The following BCAS3 variants were observed in gnomAD, a reference collection of about 807,000 sequenced individuals.
The protein encoded by BCAS3 is BCAS4/BCAS3 fusion.
A neutral mutation model predicts 116.1 loss-of-function variants in BCAS3; 53 were observed. The ratio of observed to expected loss-of-function variants is 0.46; its 90% CI spans 0.37 to 0.57. BCAS3 has a LOEUF of 0.57. Ranked by LOEUF, BCAS3 falls within the 20% of genes least tolerant of loss-of-function variation. The pLI, the probability that BCAS3 is intolerant of heterozygous loss-of-function variation, is 0.00. For missense variants in BCAS3, 917 were observed against 1,165.4 expected (o/e 0.79, Z 3.10); for synonymous variants, 391 against 408.2 (o/e 0.96, Z 0.51).
chr17:60,908,627 A>G (rs1347556408), intron 11 of BCAS3, among the ~76,000 whole-genome samples: 1 of 152,176 alleles, frequency 6.6e-6, no homozygotes, highest in Non-Finnish European at 1.5e-5. Context: ...TGTGTAAGTC[A>G]TTTCTTGTGA....
intron 7 of BCAS3, among the ~76,000 whole-genome samples, chr17:60,862,738 A>G (rs527347318): frequency 6.6e-6 from 1 of 152,184 alleles, no homozygotes; most frequent in South Asian, 2.1e-4. Context: ...TGCATCCTCA[A>G]ATTGCTCCTG....
At chr17:60,793,687 A>C (rs1205099917) in intron 6 of BCAS3, among the ~76,000 whole-genome samples, 1 of 152,216 alleles carries the variant, frequency 6.6e-6, no homozygotes, top group African/African-American at 2.4e-5. Context: ...TTCACTTAGA[A>C]TAAAAGTCTC....
chr17:60,961,528 G>A lies in BCAS3; in HGVS notation c.1221+14176G>A, dbSNP rs940202875. On this transcript the variant is annotated intron_variant, in intron 14 of 23. Transcript: ENST00000407086. The surrounding 1 kb of genome is among the most constrained non-coding windows in gnomAD (Gnocchi z 4.8). The stretch of plus-strand genomic sequence containing the variant: ...TTTTTAAAATAAATTTTCAATTTTG[G>A]AATCATTTTAGAGTTACAGAAAAGT... Among the ~76,000 whole-genome samples, 2 of 151,840 alleles carry A rather than the reference G, an allele frequency of 1.3e-5. No individual in the cohort carries two copies. The highest frequency in any genetic ancestry group is 3.9e-4 in the East Asian group (2 of 5,176).
At chr17:60,764,873 A>G (rs1267625220) in intron 6 of BCAS3, among the ~76,000 whole-genome samples, 4 of 152,120 alleles carry the variant, frequency 2.6e-5, no homozygotes, top group African/African-American at 9.6e-5. Flanking sequence ...TATGAATCTG[A>G]GCACTCCTGT....
In BCAS3 at chr17:61,349,049, G is replaced by C. The variant is rs2143315401; in HGVS notation, c.2426-19278G>C. On this transcript the variant is annotated intron_variant, in intron 22 of 23. Transcript: ENST00000407086. This position sits in a 1 kb window ranked among gnomAD's most constrained non-coding sequence, Gnocchi z 4.7. ...TTACAGGCGTGAGCCACCGTGCCCG[G>C]CCCTCTTGGGCAGAGATTCTTAAGG... Among the ~76,000 whole-genome samples, 1 of 151,610 alleles carries C rather than the reference G, an allele frequency of 6.6e-6. No homozygotes were observed. Among genetic ancestry groups the C allele is most frequent in the African/African-American group, 2.4e-5 (1 of 41,324 alleles).
chr17:61,274,083 A>G (rs1000094803), intron 22 of BCAS3, among the ~76,000 whole-genome samples: 39 of 151,084 alleles, frequency 2.6e-4, no homozygotes, highest in African/African-American at 4.8e-4. Context: ...AACATTAGGT[A>G]TATCTCCTAA....
In BCAS3 at chr17:61,367,517, A is replaced by G. The variant is rs1293871617; in HGVS notation, c.2426-810A>G. ...AGGACAGACCCTTGCCGAAGATGCT[A>G]TCACCCACCTCCTTGCTGGTATCCC... is the stretch of plus-strand genomic sequence containing the variant. On this transcript the variant is annotated intron_variant, in intron 22 of 23. Transcript: ENST00000407086. The surrounding 1 kb of genome is among the most constrained non-coding windows in gnomAD (Gnocchi z 6.2). 6.6e-6 allele frequency: 1 copy of G among 152,230 alleles called. No homozygotes were observed. The highest frequency in any genetic ancestry group is 1.5e-5 in the Non-Finnish European group (1 of 68,042). 9.4% of individuals were successfully genotyped at this position (152,230 alleles called of 1,614,324 possible).
At position 61,183,718 on chromosome 17, in the gene BCAS3, G is replaced by A. The variant is rs574169893; in HGVS notation, c.2425+99154G>A. On this transcript the variant is annotated intron_variant, in intron 22 of 23. Transcript: ENST00000407086. ...TACAAAGCTTCTTGGGAAAATGCTA[G>A]GGTAGTACCTATAGTGCCTGATTGA... Among the ~76,000 whole-genome samples, 18 of 152,328 alleles carry A rather than the reference G, an allele frequency of 1.2e-4. No homozygotes were observed. In the East Asian group the frequency reaches 3.5e-3, roughly 29 times the overall value.
At chr17:60,908,605 T>TC (rs1386192964) in intron 11 of BCAS3, among the ~76,000 whole-genome samples, 27 of 152,268 alleles carry the variant, frequency 1.8e-4, no homozygotes, top group Admixed American at 4.6e-4. Context: ...TTGACAACAC[T>TC]CCAACAGACT....
At chr17:60,784,372 C>T (rs1305365671) in intron 6 of BCAS3, among the ~76,000 whole-genome samples, 1 of 147,202 alleles carries the variant, frequency 6.8e-6, no homozygotes, top group Non-Finnish European at 1.5e-5. Context: ...AATCTCGGCT[C>T]ACTGGAAGCT....
chr17:61,116,302 T>C (rs2075447903), intron 22 of BCAS3, among the ~76,000 whole-genome samples: 1 of 152,096 alleles, frequency 6.6e-6, no homozygotes, highest in Non-Finnish European at 1.5e-5. Flanking sequence ...TGATCCTTTA[T>C]GTATCTTTAT....
intron 7 of BCAS3, among the ~76,000 whole-genome samples, chr17:60,853,700 A>G (rs1040513891): frequency 2.6e-5 from 4 of 152,216 alleles, no homozygotes; most frequent in African/African-American, 7.2e-5. Context: ...GGTCAATTGA[A>G]TGGATGAATG....
Position 61,151,201 on chromosome 17 carries a change from A to G in BCAS3, c.2425+66637A>G, listed in dbSNP as rs947730031. Among the ~76,000 whole-genome samples, 20 of 152,212 alleles carry G rather than the reference A, an allele frequency of 1.3e-4. No individual in the cohort carries two copies. The highest frequency in any genetic ancestry group is 3.8e-4 in the East Asian group (2 of 5,200). On this transcript the variant is annotated intron_variant, in intron 22 of 23. Transcript: ENST00000407086. This position sits in a 1 kb window ranked among gnomAD's most constrained non-coding sequence, Gnocchi z 4.8. ...TCAAAACTTTTTTGAGTGAGTGCCA[A>G]TATTACACTCTAAGGCAATGTTCAT...
chr17:61,202,781 G>A (rs1174787542), intron 22 of BCAS3, among the ~76,000 whole-genome samples: 1 of 152,292 alleles, frequency 6.6e-6, no homozygotes, highest in African/African-American at 2.4e-5. Context: ...AGCATGTCTT[G>A]TTGTTCTCAG....
intron 16 of BCAS3, among the ~76,000 whole-genome samples, chr17:61,016,247 A>G (rs2065451478): frequency 6.6e-6 from 1 of 152,172 alleles, no homozygotes; most frequent in South Asian, 2.1e-4. Context: ...ATTTGAAATG[A>G]CTCCCAAATT....
In BCAS3 at chr17:61,139,258, TAAAAAG is replaced by T. The variant is rs1195045765; in HGVS notation, c.2425+54698_2425+54703del. On this transcript the variant is annotated intron_variant, in intron 22 of 23. Transcript: ENST00000407086. This position sits in a 1 kb window ranked among gnomAD's most constrained non-coding sequence, Gnocchi z 4.7. ...ATCTAATCTAAAAAGTTGGAGGACT[TAAAAAG>T]AAAGTGTGAAGATTTTTTTTTCTTC... Among the ~76,000 whole-genome samples, 3 of 152,230 alleles carry T rather than the reference TAAAAAG, an allele frequency of 2.0e-5. No homozygotes were observed. Among genetic ancestry groups the T allele is most frequent in the African/African-American group, 7.2e-5 (3 of 41,460 alleles).
In BCAS3 at chr17:61,032,698, A is replaced by C. The variant is rs1166871920; in HGVS notation, c.1638-1968A>C. Among the ~76,000 whole-genome samples, 1 of 152,132 alleles carries C rather than the reference A, an allele frequency of 6.6e-6. No homozygotes were observed. Among genetic ancestry groups the C allele is most frequent in the African/African-American group, 2.4e-5 (1 of 41,420 alleles). On this transcript the variant is annotated intron_variant, in intron 16 of 23. Transcript: ENST00000407086. The surrounding 1 kb of genome is among the most constrained non-coding windows in gnomAD (Gnocchi z 4.6). ...TGTTACTACAGTTGTGACAGATGCA[A>C]GTATGAAGAGGTGAAACAGTTTATA...
chr17:60,974,820 G>C (rs144678252), intron 14 of BCAS3, among the ~76,000 whole-genome samples: 3 of 152,046 alleles, frequency 2.0e-5, no homozygotes, highest in African/African-American at 7.2e-5. Context: ...CTCTAAATTG[G>C]TAATAATGAG....
chr17:60,920,758 T>C (rs1287532337), intron 12 of BCAS3, among the ~76,000 whole-genome samples: 1 of 152,000 alleles, frequency 6.6e-6, no homozygotes, highest in Non-Finnish European at 1.5e-5. Context: ...TAGTCCCAGC[T>C]ACTCGGGAGG....
Sources: gnomAD v4.1 joint callset for allele counts (sites outside exome capture counted in the v4.1 genomes callset) on GRCh38, gnomAD v4.1.1 for gene constraint, Gnocchi (gnomAD v3.1) non-coding constraint, MANE v1.5 for transcripts, NCBI Gene and HGNC (gene_info 2026-07-23, HGNC 2026-07-21) for gene names.